The following AFF3 variants were observed in gnomAD, a reference collection of about 807,000 sequenced individuals.
AFF3 encodes ALF transcription elongation factor 3.
Under a neutral mutation model 129.7 loss-of-function variants are expected in AFF3, and 32 were observed. That is an observed-to-expected ratio of 0.25 (90% CI 0.19 to 0.33). The LOEUF is 0.33. AFF3 is among the 10% of genes least tolerant of loss of function. The pLI is 1.00. For missense variants in AFF3, 1,373 were observed against 1,592.0 expected (o/e 0.86, Z 2.34); for synonymous variants, 644 against 635.4 (o/e 1.01, Z -0.20).
chr2:99,677,541 C>A (rs1423813149), intron 11 of AFF3, among the ~76,000 whole-genome samples: 1 of 152,124 alleles, frequency 6.6e-6, no homozygotes, highest in Admixed American at 6.5e-5. Context: ...GTTGTAACAC[C>A]CTTCCTGACA....
intron 4 of AFF3, among the ~76,000 whole-genome samples, chr2:100,016,604 A>G (rs369252740): frequency 0.046 from 4,283 of 93,192 alleles, 75 homozygotes; most frequent in Middle Eastern, 0.076. Context: ...TGGTGGTGGT[A>G]GTGGTGGTAA....
At chr2:99,627,478 T>C (rs1682703701) in intron 13 of AFF3, among the ~76,000 whole-genome samples, 1 of 152,242 alleles carries the variant, frequency 6.6e-6, no homozygotes, top group African/African-American at 2.4e-5. Context: ...TATTAGAGCT[T>C]TGTCAGATGC....
intron 4 of AFF3, among the ~76,000 whole-genome samples, chr2:100,034,511 G>A (rs1458398873): frequency 6.6e-6 from 1 of 151,602 alleles, no homozygotes; most frequent in African/African-American, 2.4e-5. Flanking sequence ...CACAATGGAA[G>A]TCCATAAAAA....
At chr2:99,763,566 CAAT>C (rs1462091474) in intron 8 of AFF3, among the ~76,000 whole-genome samples, 3 of 150,750 alleles carry the variant, frequency 2.0e-5, no homozygotes, top group Non-Finnish European at 4.4e-5. Flanking sequence ...ACAACAACAA[CAAT>C]AATTAGCATT....
intron 4 of AFF3, among the ~76,000 whole-genome samples, chr2:100,045,515 G>A (rs537222989): frequency 6.6e-6 from 1 of 150,966 alleles, no homozygotes; most frequent in African/African-American, 2.4e-5. Context: ...AAATACAGTT[G>A]ATCCTTCAAC....
rs577250773 is a variant in AFF3, at chr2:99,717,010, T to G, written c.1091+10067A>C. 2.6e-5 allele frequency among the ~76,000 whole-genome samples: 4 copies of G among 152,330 alleles called. No homozygotes were observed. The East Asian group carries it at 7.7e-4, about 29-fold the overall frequency. The stretch of plus-strand genomic sequence containing the variant: ...GCAAATTTTACAGTATACACTCTTA[T>G]GTGTCTGGCTTCTTTCATTTAACAT... On this transcript the variant is annotated intron_variant, in intron 11 of 24. Coordinates refer to ENST00000672756, the MANE Select transcript of AFF3 (RefSeq NM_001386135.1).
intron 13 of AFF3, among the ~76,000 whole-genome samples, chr2:99,621,896 A>C (rs533980563): frequency 1.6e-3 from 241 of 152,224 alleles, no homozygotes; most frequent in South Asian, 0.013. Context: ...GTGTGGGGGA[A>C]GCTGAAATAG....
At position 99,800,601 on chromosome 2, in the gene AFF3, G is replaced by T. The variant is rs146949609; in HGVS notation, c.921+36876C>A. Among the ~76,000 whole-genome samples, 643 of 152,258 alleles carry T rather than the reference G, an allele frequency of 4.2e-3. 3 individuals carry two copies. Among genetic ancestry groups the T allele is most frequent in the African/African-American group, 0.015 (611 of 41,536 alleles). ...AGAAGAGAAAGCACAAAGACATTTTGTGTGTTATAAACATGTGCACAAATA... is the reference window on the plus strand; with the variant it reads ...AGAAGAGAAAGCACAAAGACATTTTTTGTGTTATAAACATGTGCACAAATA... On this transcript the variant is annotated intron_variant, in intron 8 of 24. Coordinates refer to ENST00000672756, the MANE Select transcript of AFF3 (RefSeq NM_001386135.1).
intron 11 of AFF3, among the ~76,000 whole-genome samples, chr2:99,696,303 G>C (rs1558758294): frequency 6.6e-6 from 1 of 152,150 alleles, no homozygotes; most frequent in Non-Finnish European, 1.5e-5. Context: ...TGGCACGTTA[G>C]AGCATCAAGG....
In AFF3 at chr2:100,016,887, ATGG is replaced by A. The variant is rs1213121211; in HGVS notation, c.54-7958_54-7956del. Among the ~76,000 whole-genome samples, 7 of 148,982 alleles carry A rather than the reference ATGG, an allele frequency of 4.7e-5. No homozygotes were observed. In the East Asian group the frequency reaches 6.0e-4, roughly 13 times the overall value. Reference sequence around the variant, plus strand: ...GATCGTGCTGGTGGTACTGATGGTGATGGTGGTGGTGGTGATGATATGGTGGTG... The same window carrying A: ...GATCGTGCTGGTGGTACTGATGGTGATGGTGGTGGTGATGATATGGTGGTG... On this transcript the variant is annotated intron_variant, in intron 4 of 24. Transcript: ENST00000672756.
intron 1 of AFF3, among the ~76,000 whole-genome samples, chr2:100,130,985 T>A (rs1466123900): frequency 6.6e-6 from 1 of 152,136 alleles, no homozygotes; most frequent in East Asian, 1.9e-4. Context: ...ATAAAATTAA[T>A]GGTCAGAAAC....
intron 2 of AFF3, among the ~76,000 whole-genome samples, chr2:100,113,595 C>T (rs570037740): frequency 5.3e-5 from 8 of 152,294 alleles, no homozygotes; most frequent in African/African-American, 9.6e-5. Flanking sequence ...ATAGAACAAA[C>T]GCCGTGTACT....
At chr2:99,996,672 G>A (rs1030192361) in intron 7 of AFF3, among the ~76,000 whole-genome samples, 15 of 151,662 alleles carry the variant, frequency 9.9e-5, no homozygotes, top group Non-Finnish European at 1.8e-4. Context: ...GAGCCACCGC[G>A]CCCAGCCCTT....
chr2:99,946,565 C>T (rs1380963774), intron 7 of AFF3, among the ~76,000 whole-genome samples: 1 of 148,416 alleles, frequency 6.7e-6, no homozygotes, highest in African/African-American at 2.5e-5. Flanking sequence ...GGATACCCCA[C>T]TGTCTGCAGA....
At chr2:100,019,618 G>A (rs935121494) in intron 4 of AFF3, among the ~76,000 whole-genome samples, 2 of 152,168 alleles carry the variant, frequency 1.3e-5, no homozygotes, top group Non-Finnish European at 2.9e-5. Context: ...AAGTCTCAGC[G>A]GGTCAAGAGG....
chr2:99,650,069 C>T (rs1431693500), intron 12 of AFF3, among the ~76,000 whole-genome samples: 2 of 152,118 alleles, frequency 1.3e-5, no homozygotes, highest in Non-Finnish European at 2.9e-5. Flanking sequence ...AGCTTCTTTC[C>T]CAATGAAGGT....
intron 10 of AFF3, 28 bp downstream of exon 10, chr2:99,744,076 T>C (rs750964475): frequency 6.4e-7 from 1 of 1,572,490 alleles, no homozygotes; most frequent in Non-Finnish European, 8.7e-7. Context: ...GCTCCCCAGA[T>C]GAAACTCCAG....
In AFF3 at chr2:99,560,387, C is replaced by G; in HGVS notation, c.3169G>C (p.Asp1057His). Reference protein sequence around the residue: ...THSGPNATPEDKQLAALCYRC... With the variant: ...THSGPNATPEHKQLAALCYRC... ...CACCATAATGCAGCCAGTTGTTTGT[C>G]TTCTGGTGTGGCATTGGGGCCTGAG... is the stretch of plus-strand genomic sequence containing the variant. Residue 1057 changes from aspartate to histidine, a missense_variant, in exon 21 of 25, where the codon GAC becomes CAC. Asp to His is a moderately conservative substitution (Grantham distance 81). This residue lies in a region of AFF3 where 165 missense variants were observed against 234.0 expected (regional missense o/e 0.71). Coordinates refer to ENST00000672756, the MANE Select transcript of AFF3 (RefSeq NM_001386135.1). 1.9e-6 allele frequency: 3 copies of G among 1,614,092 alleles called. No individual in the cohort carries two copies. In the East Asian group the frequency reaches 6.7e-5, roughly 36 times the overall value.
At chr2:99,639,841 C>T (rs1408680904) in intron 13 of AFF3, among the ~76,000 whole-genome samples, 1 of 151,900 alleles carries the variant, frequency 6.6e-6, no homozygotes, top group Non-Finnish European at 1.5e-5. Flanking sequence ...GGGTGTGCCA[C>T]CGCACCCAGC....
Sources: allele counts gnomAD v4.1 joint callset (sites outside exome capture counted in the v4.1 genomes callset), GRCh38; gene constraint gnomAD v4.1.1; regional missense constraint gnomAD v4.1.1; transcripts MANE v1.5; gene names NCBI Gene and HGNC (gene_info 2026-07-23, HGNC 2026-07-21).